The following DNM3 variants were observed in gnomAD, a reference collection of about 807,000 sequenced individuals.
DNM3 encodes dynamin 3.
In DNM3, 47 loss-of-function variants were observed where a neutral mutation model predicts 101.6. That is an observed-to-expected ratio of 0.46 (90% CI 0.37 to 0.59). DNM3 has a LOEUF of 0.59. Ranked by LOEUF, DNM3 falls within the 20% of genes least tolerant of loss-of-function variation. DNM3 has a pLI of 0.00. For synonymous variants in DNM3, 385 were observed against 387.9 expected, an observed-to-expected ratio of 0.99 and a Z score of 0.09; for missense variants, 849 against 1,085.7, an observed-to-expected ratio of 0.78 and a Z score of 3.06.
chr1:172,166,922 CT>C (rs4028243), intron 14 of DNM3, among the ~76,000 whole-genome samples: 1,536 of 144,542 alleles, frequency 0.011, 28 homozygotes, highest in African/African-American at 0.032. Context: ...GCATTGCATT[CT>C]TTTTTTTTTT....
At chr1:172,324,894 G>A (rs911595502) in intron 17 of DNM3, among the ~76,000 whole-genome samples, 6 of 151,966 alleles carry the variant, frequency 3.9e-5, no homozygotes, top group Non-Finnish European at 7.4e-5. Context: ...CAGGGAGCCT[G>A]TGCATGCTGA....
At chr1:172,220,989 C>T (rs1046457432) in intron 14 of DNM3, among the ~76,000 whole-genome samples, 8 of 152,086 alleles carry the variant, frequency 5.3e-5, no homozygotes, top group Admixed American at 2.0e-4. Context: ...TTTGGGATTA[C>T]GTGAGAGTTG....
chr1:171,866,522 C>T (rs1184720077), intron 1 of DNM3, among the ~76,000 whole-genome samples: 1 of 151,978 alleles, frequency 6.6e-6, no homozygotes, highest in East Asian at 1.9e-4. Flanking sequence ...AAGGATTGTA[C>T]CAACTACTTT....
At chr1:172,125,232 A>T (rs546839780) in intron 13 of DNM3, among the ~76,000 whole-genome samples, 1 of 152,162 alleles carries the variant, frequency 6.6e-6, no homozygotes, top group Admixed American at 6.6e-5. Flanking sequence ...AAAAAAAGAC[A>T]GCTGCATAGC....
At chr1:172,295,875 A>C (rs989573923) in intron 15 of DNM3, among the ~76,000 whole-genome samples, 2 of 152,198 alleles carry the variant, frequency 1.3e-5, no homozygotes, top group Non-Finnish European at 2.9e-5. Flanking sequence ...TGTAAAAATA[A>C]AAGAAGAAAC....
chr1:172,083,865 G>A (rs2147756966), intron 12 of DNM3, among the ~76,000 whole-genome samples: 1 of 152,192 alleles, frequency 6.6e-6, no homozygotes, highest in Middle Eastern at 3.4e-3. Flanking sequence ...ACAATCTTTT[G>A]ACGTAGTCTC....
chr1:172,258,872 A>T lies in DNM3; in HGVS notation c.1769+5190A>T, dbSNP rs186826146. Among the ~76,000 whole-genome samples, 33 of 151,488 alleles carry T rather than the reference A, an allele frequency of 2.2e-4. No homozygotes were observed. In the East Asian group the frequency reaches 6.2e-3, roughly 28 times the overall value. ...ATTTAAAATCTTTCTATTTCTTTTG[A>T]TGTAGGCAATTATTGCTATAAACCT... On this transcript the variant is annotated intron_variant, in intron 15 of 20. Transcript: ENST00000627582.
intron 6 of DNM3, among the ~76,000 whole-genome samples, chr1:172,034,800 T>C (rs865897443): frequency 7.2e-5 from 11 of 152,016 alleles, no homozygotes; most frequent in Admixed American, 5.9e-4. Context: ...ATTTTCACTG[T>C]CGGGGGAAGG....
Position 172,058,686 on chromosome 1 carries a change from A to T in DNM3, c.1335+9936A>T, listed in dbSNP as rs576675517. On this transcript the variant is annotated intron_variant, in intron 10 of 20. Coordinates refer to ENST00000627582, the MANE Select transcript of DNM3 (RefSeq NM_015569.5). ...CAACATACCAGAATCTCTGGGATGC[A>T]TTTAAAGCAGTGTGTAGAGGGAAAT... is the stretch of plus-strand genomic sequence containing the variant. Among the ~76,000 whole-genome samples, 52 of 152,208 alleles carry T rather than the reference A, an allele frequency of 3.4e-4. No homozygotes were observed. In the East Asian group the frequency reaches 9.7e-3, roughly 28 times the overall value.
intron 12 of DNM3, among the ~76,000 whole-genome samples, chr1:172,082,447 A>T (rs1306849097): frequency 6.6e-6 from 1 of 151,826 alleles, no homozygotes; most frequent in Non-Finnish European, 1.5e-5. Flanking sequence ...TGCAAACGTT[A>T]TGGTTAGTTA....
intron 4 of DNM3, among the ~76,000 whole-genome samples, chr1:172,019,922 T>TG (rs200011935): frequency 0.011 from 1,673 of 152,238 alleles, 34 homozygotes; most frequent in African/African-American, 0.038. Flanking sequence ...ACAGTTTGTT[T>TG]TTTTTTTATT....
At chr1:171,895,892 G>A (rs1371502280) in intron 1 of DNM3, among the ~76,000 whole-genome samples, 1 of 152,152 alleles carries the variant, frequency 6.6e-6, no homozygotes, top group African/African-American at 2.4e-5. Flanking sequence ...TTATTAAATA[G>A]GGAATCCTTT....
intron 17 of DNM3, among the ~76,000 whole-genome samples, chr1:172,373,058 T>C (rs544456877): frequency 6.6e-6 from 1 of 152,158 alleles, no homozygotes; most frequent in Non-Finnish European, 1.5e-5. Context: ...GAAAGCATTA[T>C]GTCTATTCTA....
chr1:171,902,107 C>A (rs1369594115), intron 1 of DNM3, among the ~76,000 whole-genome samples: 1 of 152,118 alleles, frequency 6.6e-6, no homozygotes, highest in African/African-American at 2.4e-5. Context: ...AATTAATAAC[C>A]CCATTCTATT....
intron 15 of DNM3, among the ~76,000 whole-genome samples, chr1:172,275,283 G>C (rs983304547): frequency 6.6e-6 from 1 of 152,022 alleles, no homozygotes; most frequent in African/African-American, 2.4e-5. Flanking sequence ...GCTATCATCT[G>C]TGTGAATATA....
chr1:171,961,290 A>T (rs1459349913), intron 2 of DNM3, among the ~76,000 whole-genome samples: 1 of 152,164 alleles, frequency 6.6e-6, no homozygotes, highest in Non-Finnish European at 1.5e-5. Flanking sequence ...GGGCGGAAGG[A>T]CATGAAAGAC....
intron 20 of DNM3, among the ~76,000 whole-genome samples, chr1:172,418,031 CA>C (rs2071492850): frequency 1.3e-5 from 2 of 152,184 alleles, no homozygotes; most frequent in Admixed American, 6.5e-5. Flanking sequence ...TGAGTGAGCT[CA>C]AATGGCTCAT....
chr1:172,260,482 TC>T (rs1018570820), intron 15 of DNM3, among the ~76,000 whole-genome samples: 26 of 152,114 alleles, frequency 1.7e-4, no homozygotes, highest in Admixed American at 1.4e-3. Context: ...CTTTATGATG[TC>T]CCATATGTCT....
Position 171,902,008 on chromosome 1 carries a change from A to G in DNM3, c.162-19740A>G, listed in dbSNP as rs114620452. ...GGAAGCTATATTAGTTCAAGTTTAC[A>G]TTTCCATAGCACATTTAAAAAAATA... On this transcript the variant is annotated intron_variant, in intron 1 of 20. Coordinates refer to ENST00000627582, the MANE Select transcript of DNM3 (RefSeq NM_015569.5). Among the ~76,000 whole-genome samples the G allele has an allele frequency of 2.9e-3, 449 of 152,344 alleles. 4 individuals are homozygous for G. The highest frequency in any genetic ancestry group is 0.01 in the African/African-American group (430 of 41,574).
Sources: gnomAD v4.1 joint callset for allele counts (sites outside exome capture counted in the v4.1 genomes callset) on GRCh38, gnomAD v4.1.1 for gene constraint, MANE v1.5 for transcripts, NCBI Gene and HGNC (gene_info 2026-07-23, HGNC 2026-07-21) for gene names.